HHLA2: variants seen among roughly 807,000 people sequenced by gnomAD.
HHLA2 encodes HERV-H LTR-associating protein 2.
HHLA2 carries 48 observed loss-of-function variants against 45.9 expected under a neutral mutation model. The observed-to-expected ratio is 1.05, with a 90% CI of 0.83 to 1.33. The LOEUF (loss-of-function observed/expected upper bound fraction) is 1.33, where lower values mean the gene tolerates loss of function less well. Among genes scored for constraint, HHLA2 ranks in the 40% most tolerant of loss-of-function variants. The pLI, the probability that HHLA2 is intolerant of heterozygous loss-of-function variation, is 0.00. For missense variants in HHLA2, 462 were observed against 494.3 expected, an observed-to-expected ratio of 0.93 and a Z score of 0.62; for synonymous variants, 161 against 173.9, an observed-to-expected ratio of 0.93 and a Z score of 0.59.
At chr3:108,374,659 A>G (rs2082240666) in intron 8 of HHLA2, among the ~76,000 whole-genome samples, 1 of 151,190 alleles carries the variant, frequency 6.6e-6, no homozygotes, top group African/African-American at 2.4e-5. Flanking sequence ...CCCATCAAAA[A>G]GTGGGCAAAG....
At chr3:108,320,258 A>G (rs62266190) in intron 2 of HHLA2, among the ~76,000 whole-genome samples, 5,614 of 152,270 alleles carry the variant, frequency 0.037, 155 homozygotes, top group East Asian at 0.12. Flanking sequence ...CACTTGAACC[A>G]TTTCTATATG....
intron 8 of HHLA2, among the ~76,000 whole-genome samples, chr3:108,371,647 A>T (rs2082174964): frequency 1.3e-5 from 2 of 152,032 alleles, no homozygotes; most frequent in African/African-American, 4.8e-5. Context: ...CAAGCAAATG[A>T]CAAACAAAAA....
chr3:108,368,534 G>GAAAAAAAA (rs1560276081), intron 8 of HHLA2, among the ~76,000 whole-genome samples: 1 of 12,054 alleles, frequency 8.3e-5, no homozygotes, highest in Admixed American at 1.2e-3. Flanking sequence ...CAAACGAAGA[G>GAAAAAAAA]CAAAAAAAAA....
At chr3:108,301,277 A>G (rs1438935256) in intron 1 of HHLA2, among the ~76,000 whole-genome samples, 1 of 152,144 alleles carries the variant, frequency 6.6e-6, no homozygotes. Context: ...TAGTTCTGCA[A>G]GCTGTCTTTG....
intron 1 of HHLA2, among the ~76,000 whole-genome samples, chr3:108,308,733 T>C (rs940095714): frequency 6.6e-6 from 1 of 152,252 alleles, no homozygotes; most frequent in Non-Finnish European, 1.5e-5. Context: ...TATCTCATTA[T>C]AGTTTTGATT....
rs533948562 is a variant in HHLA2 at position 108,372,834 on chromosome 3, C to G, written c.1109-2916C>G. On this transcript the variant is annotated intron_variant, in intron 8 of 10. Coordinates refer to ENST00000619531, the Ensembl canonical transcript of HHLA2. ...CAGGCTCTGAAATTGTGGCAATAAT[C>G]AATAGCTTACCAACCAAAAATAGTC... 2.0e-5 allele frequency among the ~76,000 whole-genome samples: 3 copies of G among 152,244 alleles called. No individual in the cohort carries two copies. The South Asian group carries it at 6.2e-4, about 32-fold the overall frequency.
At chr3:108,370,847 C>G (rs2082157298) in intron 8 of HHLA2, among the ~76,000 whole-genome samples, 1 of 152,174 alleles carries the variant, frequency 6.6e-6, no homozygotes, top group Non-Finnish European at 1.5e-5. Context: ...AAATCTACGT[C>G]TGATTGGTGT....
chr3:108,358,456 C>T lies in HHLA2; in HGVS notation c.1003+295C>T, dbSNP rs188120343. On this transcript the variant is annotated intron_variant, in intron 7 of 10. Coordinates refer to ENST00000619531, the Ensembl canonical transcript of HHLA2. ...ATGCGCTGAGCATCTTCCATTTCTG[C>T]TCACTGCTGTGCCTAATATATACCT... is the stretch of plus-strand genomic sequence containing the variant. 2.6e-3 allele frequency among the ~76,000 whole-genome samples: 390 copies of T among 152,290 alleles called. 2 individuals carry two copies. Among genetic ancestry groups the T allele is most frequent in the African/African-American group, 6.3e-3 (261 of 41,562 alleles).
chr3:108,369,483 T>G (rs893965505), intron 8 of HHLA2, among the ~76,000 whole-genome samples: 1 of 152,132 alleles, frequency 6.6e-6, no homozygotes, highest in Non-Finnish European at 1.5e-5. Context: ...GTGGGTGCAG[T>G]GCACCATGTG....
At chr3:108,337,755 C>A (rs764761711) in intron 3 of HHLA2, among the ~76,000 whole-genome samples, 16 of 151,970 alleles carry the variant, frequency 1.1e-4, no homozygotes, top group Non-Finnish European at 2.2e-4. Context: ...GTCCAGGGTT[C>A]CTGTGTTGAC....
chr3:108,336,079 C>T (rs1576134274), intron 3 of HHLA2, among the ~76,000 whole-genome samples: 1 of 152,082 alleles, frequency 6.6e-6, no homozygotes, highest in Non-Finnish European at 1.5e-5. Context: ...ATGCTTCATA[C>T]ACTATCTTGT....
intron 6 of HHLA2, among the ~76,000 whole-genome samples, chr3:108,356,461 A>G (rs146258492): frequency 9.2e-5 from 14 of 152,252 alleles, no homozygotes; most frequent in African/African-American, 3.4e-4. Flanking sequence ...CTCACCAAAA[A>G]TATACTGAAA....
intron 2 of HHLA2, among the ~76,000 whole-genome samples, chr3:108,323,517 A>G (rs901443984): frequency 6.6e-5 from 10 of 152,206 alleles, no homozygotes; most frequent in Admixed American, 6.5e-4. Flanking sequence ...TGCTGTCTTT[A>G]CCCAGAAATC....
intron 2 of HHLA2, among the ~76,000 whole-genome samples, chr3:108,311,462 G>C (rs1415910491): frequency 6.6e-6 from 1 of 152,144 alleles, no homozygotes; most frequent in Non-Finnish European, 1.5e-5. Flanking sequence ...AAATTCAAGT[G>C]AGAGGAGCAT....
intron 2 of HHLA2, among the ~76,000 whole-genome samples, chr3:108,316,021 A>C (rs890102741): frequency 1.2e-4 from 18 of 151,444 alleles, no homozygotes; most frequent in African/African-American, 4.4e-4. Flanking sequence ...GCTTTTATTT[A>C]TTTATTTACA....
intron 3 of HHLA2, among the ~76,000 whole-genome samples, chr3:108,349,699 T>G (rs2081742770): frequency 6.6e-6 from 1 of 152,168 alleles, no homozygotes; most frequent in South Asian, 2.1e-4. Context: ...AGTGAAGGGT[T>G]TGGCCTTGGA....
intron 3 of HHLA2, among the ~76,000 whole-genome samples, chr3:108,334,476 A>G (rs1456274669): frequency 6.6e-6 from 1 of 152,206 alleles, no homozygotes; most frequent in Admixed American, 6.5e-5. Flanking sequence ...TAAATGTATG[A>G]GGTAAACAAA....
In HHLA2 at chr3:108,339,456, C is replaced by T. The variant is rs558043982; in HGVS notation, c.-27+11109C>T. Among the ~76,000 whole-genome samples, 28 of 152,184 alleles carry T rather than the reference C, an allele frequency of 1.8e-4. No individual in the cohort carries two copies. The South Asian group carries it at 5.2e-3, about 28-fold the overall frequency. Reference sequence around the variant, plus strand: ...TACAAGCTTGAGCAAATTACTTAACCTCTCTGAACCTCAATGTCTTCATCT... The same window carrying T: ...TACAAGCTTGAGCAAATTACTTAACTTCTCTGAACCTCAATGTCTTCATCT... On this transcript the variant is annotated intron_variant, in intron 3 of 10. Transcript: ENST00000619531.
intron 1 of HHLA2, among the ~76,000 whole-genome samples, chr3:108,304,515 T>G (rs1367378082): frequency 6.6e-6 from 1 of 152,184 alleles, no homozygotes; most frequent in Non-Finnish European, 1.5e-5. Flanking sequence ...CCTAATCCAG[T>G]ATGATTTCAT....
Sources: gnomAD v4.1 joint callset for allele counts (sites outside exome capture counted in the v4.1 genomes callset) on GRCh38, gnomAD v4.1.1 for gene constraint, MANE v1.5 for transcripts, NCBI Gene and HGNC (gene_info 2026-07-23, HGNC 2026-07-21) for gene names.